FBN1: variants seen among roughly 807,000 people sequenced by gnomAD.
FBN1 encodes fibrillin 1.
FBN1 carries 29 observed loss-of-function variants against 365.1 expected under a neutral mutation model. The observed-to-expected ratio is 0.08, with a 90% confidence interval of 0.06 to 0.11. The LOEUF (loss-of-function observed/expected upper bound fraction) is 0.11. FBN1 is among the 10% of genes least tolerant of loss of function. The pLI is 1.00. For missense variants in FBN1, 2,476 were observed against 3,703.2 expected (o/e 0.67, Z 8.60); for synonymous variants, 1,210 against 1,270.5 (o/e 0.95, Z 1.01).
intron 17 of FBN1, 23 bp downstream of exon 17, chr15:48,503,764 G>A (rs1435495043): frequency 1.2e-6 from 2 of 1,613,094 alleles, no homozygotes; most frequent in Admixed American, 3.3e-5. Context: ...GCAGTACGAG[G>A]GCATCTCCAT....
At chr15:48,535,703 AAAC>A (rs1181081854) in intron 7 of FBN1, among the ~76,000 whole-genome samples, 3 of 152,236 alleles carry the variant, frequency 2.0e-5, no homozygotes, top group African/African-American at 7.2e-5. Context: ...GATATTAAAG[AAAC>A]AACAATTTAG....
intron 44 of FBN1, among the ~76,000 whole-genome samples, chr15:48,455,255 C>A (rs2043230192): frequency 6.6e-6 from 1 of 152,204 alleles, no homozygotes; most frequent in South Asian, 2.1e-4. Context: ...ACCCTGACAG[C>A]AAAATGCCTT....
intron 60 of FBN1, 136 bp from the exon 61 acceptor site, chr15:48,422,204 C>T (rs1392160237): frequency 4.3e-6 from 3 of 703,368 alleles, no homozygotes; most frequent in Non-Finnish European, 5.2e-6. Context: ...CAGCAAAAGG[C>T]AAGGAGAGAC....
intron 60 of FBN1, among the ~76,000 whole-genome samples, chr15:48,423,447 GC>G (rs1291157705): frequency 6.6e-6 from 1 of 152,160 alleles, no homozygotes; most frequent in Non-Finnish European, 1.5e-5. Context: ...TGACTGATAT[GC>G]ACTCTCTGTT....
At chr15:48,628,087 T>C (rs1216498532) in intron 2 of FBN1, among the ~76,000 whole-genome samples, 1 of 152,236 alleles carries the variant, frequency 6.6e-6, no homozygotes, top group Non-Finnish European at 1.5e-5. Context: ...CCTTAGAGAA[T>C]GACGGACATG....
chr15:48,552,782 C>G (rs1173632466), intron 6 of FBN1, among the ~76,000 whole-genome samples: 1 of 152,136 alleles, frequency 6.6e-6, no homozygotes, highest in East Asian at 1.9e-4. Context: ...GCATAAGATA[C>G]TACATTTCTG....
intron 60 of FBN1, among the ~76,000 whole-genome samples, chr15:48,424,361 A>G (rs543589715): frequency 2.6e-5 from 4 of 152,068 alleles, no homozygotes; most frequent in Non-Finnish European, 5.9e-5. Flanking sequence ...CAAGAGCCCA[A>G]CTTCTCTCTG....
At chr15:48,621,762 G>T (rs1276569202) in intron 2 of FBN1, among the ~76,000 whole-genome samples, 2 of 152,086 alleles carry the variant, frequency 1.3e-5, no homozygotes, top group African/African-American at 4.8e-5. Context: ...GCTGAGGCAG[G>T]CGGATCACAA....
At chr15:48,448,985 G>T in intron 45 of FBN1, 92 bp from the exon 46 acceptor site, 1 of 1,066,552 alleles carries the variant, frequency 9.4e-7, no homozygotes, top group Non-Finnish European at 1.4e-6. Flanking sequence ...AGTAATCCTA[G>T]CTCTAAACTA....
chr15:48,484,896 A>G (rs1387553218), intron 30 of FBN1, among the ~76,000 whole-genome samples: 1 of 152,208 alleles, frequency 6.6e-6, no homozygotes, highest in Non-Finnish European at 1.5e-5. Context: ...CTGGTTCTCA[A>G]ACTTTAGCAT....
intron 13 of FBN1, among the ~76,000 whole-genome samples, chr15:48,512,843 T>C (rs1235273090): frequency 6.6e-6 from 1 of 152,140 alleles, no homozygotes; most frequent in Non-Finnish European, 1.5e-5. Context: ...TGGAGATAGA[T>C]GTTTGGGCTC....
chr15:48,643,882 G>A (rs1271191987), intron 2 of FBN1: 2 of 152,030 alleles, frequency 1.3e-5, no homozygotes, highest in Non-Finnish European at 1.5e-5. Context: ...AAATTTTTCC[G>A]GCTGAAACAT....
intron 6 of FBN1, among the ~76,000 whole-genome samples, chr15:48,545,264 A>G (rs1452814519): frequency 6.6e-6 from 1 of 152,228 alleles, no homozygotes; most frequent in Admixed American, 6.5e-5. Context: ...GTATATCATA[A>G]AAGTACCTTG....
intron 2 of FBN1, among the ~76,000 whole-genome samples, chr15:48,635,584 T>C (rs2140772098): frequency 6.6e-6 from 1 of 152,292 alleles, no homozygotes; most frequent in African/African-American, 2.4e-5. Context: ...AGGCTATAAA[T>C]AGAAATTGAA....
At chr15:48,445,282 G>A (rs532971219) in intron 48 of FBN1, 94 bp downstream of exon 48, 164 of 1,410,900 alleles carry the variant, frequency 1.2e-4, no homozygotes, top group South Asian at 3.8e-4. Flanking sequence ...TTTCCTCCAG[G>A]TTTCCAGAAA....
At chr15:48,462,610 T>C (rs756551072) in intron 42 of FBN1, among the ~76,000 whole-genome samples, 35 of 152,206 alleles carry the variant, frequency 2.3e-4, no homozygotes, top group Admixed American at 5.9e-4. Context: ...GTCCTGCTCC[T>C]GGCTCTTTCT....
chr15:48,435,772 A>ATATGTATATATGTG (rs1555395092), intron 53 of FBN1, among the ~76,000 whole-genome samples: 2 of 106,346 alleles, frequency 1.9e-5, no homozygotes, highest in Admixed American at 9.6e-5. Context: ...ATATGTGTAT[A>ATATGTATATATGTG]TGTGTGTGTG....
At chr15:48,485,284 T>A (rs1293194621) in intron 30 of FBN1, 90 bp downstream of exon 30, 2 of 1,563,930 alleles carry the variant, frequency 1.3e-6, no homozygotes, top group African/African-American at 2.7e-5. Flanking sequence ...GGGTTTGGAC[T>A]CAAGCCTGCT....
chr15:48,629,978 A>G (rs1889953793), intron 2 of FBN1, among the ~76,000 whole-genome samples: 1 of 152,232 alleles, frequency 6.6e-6, no homozygotes, highest in African/African-American at 2.4e-5. Context: ...CATGTGTACC[A>G]TGTTAAATCA....
Sources: allele counts gnomAD v4.1 joint callset (sites outside exome capture counted in the v4.1 genomes callset), GRCh38; gene constraint gnomAD v4.1.1; transcripts MANE v1.5; gene names NCBI Gene and HGNC (gene_info 2026-07-23, HGNC 2026-07-21).